The following RARB variants were observed in gnomAD, a reference collection of about 807,000 sequenced individuals.
RARB encodes retinoic acid receptor beta.
RARB carries 17 observed loss-of-function variants against 51.9 expected under a neutral mutation model. The ratio of observed to expected loss-of-function variants is 0.33; its 90% CI spans 0.22 to 0.49. The LOEUF (loss-of-function observed/expected upper bound fraction) is 0.49, where lower values mean the gene tolerates loss of function less well. Ranked by LOEUF, RARB falls within the 20% of genes least tolerant of loss-of-function variation. The pLI is 0.99. For synonymous variants in RARB, 215 were observed against 195.4 expected (o/e 1.10, Z -0.84); for missense variants, 369 against 550.8 (o/e 0.67, Z 3.30).
At chr3:25,187,641 G>T (rs1701008595) in intron 5 of RARB, among the ~76,000 whole-genome samples, 1 of 151,886 alleles carries the variant, frequency 6.6e-6, no homozygotes, top group African/African-American at 2.4e-5. Flanking sequence ...ATTTTAAAAA[G>T]AAATGCAAAT....
intron 2 of RARB, among the ~76,000 whole-genome samples, chr3:24,866,516 T>A (rs1176431983): frequency 6.6e-6 from 1 of 152,036 alleles, no homozygotes; most frequent in Non-Finnish European, 1.5e-5. Flanking sequence ...CACAGCATGG[T>A]TTAAGAAATA....
intron 5 of RARB, among the ~76,000 whole-genome samples, chr3:25,337,213 C>T (rs1348132841): frequency 6.6e-6 from 1 of 152,000 alleles, no homozygotes; most frequent in African/African-American, 2.4e-5. Flanking sequence ...CTTACCAACC[C>T]CCACCCCCAC....
chr3:24,961,428 G>A (rs1285063256), intron 2 of RARB, among the ~76,000 whole-genome samples: 1 of 152,194 alleles, frequency 6.6e-6, no homozygotes, highest in Non-Finnish European at 1.5e-5. Context: ...ATGAACTGAT[G>A]CTGAAATTGA....
At chr3:25,401,483 T>C (rs561757034) in intron 5 of RARB, among the ~76,000 whole-genome samples, 1 of 152,296 alleles carries the variant, frequency 6.6e-6, no homozygotes, top group East Asian at 1.9e-4. Context: ...CCATAGGTGA[T>C]CCAGATATTA....
intron 5 of RARB, among the ~76,000 whole-genome samples, chr3:25,245,619 T>G (rs572138265): frequency 6.6e-6 from 1 of 152,326 alleles, no homozygotes; most frequent in Admixed American, 6.5e-5. Flanking sequence ...TTAAGAATGT[T>G]GAATATTGGC....
At chr3:25,066,123 C>T (rs1433945124) in intron 3 of RARB, among the ~76,000 whole-genome samples, 4 of 152,034 alleles carry the variant, frequency 2.6e-5, no homozygotes, top group Non-Finnish European at 4.4e-5. Context: ...AAGCTGCTGC[C>T]CTTTCATTTT....
intron 2 of RARB, among the ~76,000 whole-genome samples, chr3:25,004,236 T>C (rs1455398424): frequency 6.6e-6 from 1 of 152,152 alleles, no homozygotes; most frequent in Non-Finnish European, 1.5e-5. Flanking sequence ...TTCAACCTGA[T>C]AGCATGAAAC....
intron 5 of RARB, among the ~76,000 whole-genome samples, chr3:25,592,921 G>A (rs1701667172): frequency 6.6e-6 from 1 of 152,174 alleles, no homozygotes; most frequent in South Asian, 2.1e-4. Context: ...GGCATCATGG[G>A]AGAGAGAGCC....
At position 25,199,408 on chromosome 3, in the gene RARB, A is replaced by C. The variant is rs371953487; in HGVS notation, c.178+24833A>C. ...TTTGACAGCAAAACAGAGCGATTAC[A>C]GTCAACAATAATTGTACATTTAAAA... On this transcript the variant is annotated intron_variant, in intron 5 of 11. Coordinates refer to the RARB transcript ENST00000383772. Among the ~76,000 whole-genome samples the C allele has an allele frequency of 5.9e-5, 9 of 152,266 alleles. No homozygotes were observed. In the East Asian group the frequency reaches 1.3e-3, roughly 23 times the overall value.
rs1704587228 is a variant in RARB at position 25,322,107 on chromosome 3, T to A, written c.179-139086T>A. ...TAAGTTACTGGAGTAGCAAGATGAA[T>A]AGCGCAGCATTGGGTCTGGAGGTAT... On this transcript the variant is annotated intron_variant, in intron 5 of 11. Coordinates refer to the RARB transcript ENST00000383772. Among the ~76,000 whole-genome samples the A allele has an allele frequency of 4.0e-5, 6 of 151,190 alleles. No individual in the cohort carries two copies. In the South Asian group the frequency reaches 1.2e-3, roughly 31 times the overall value.
chr3:25,229,427 G>A (rs551302758), intron 5 of RARB, among the ~76,000 whole-genome samples: 19 of 152,050 alleles, frequency 1.2e-4, no homozygotes, highest in Admixed American at 5.9e-4. Flanking sequence ...TCAAATTGAC[G>A]GTAGGCAGTA....
At chr3:25,320,004 T>C (rs1704524225) in intron 5 of RARB, among the ~76,000 whole-genome samples, 1 of 150,466 alleles carries the variant, frequency 6.6e-6, no homozygotes, top group East Asian at 2.0e-4. Context: ...TTCTCTGTAA[T>C]GAACTAAAAA....
intron 5 of RARB, among the ~76,000 whole-genome samples, chr3:25,388,799 G>T (rs1706866959): frequency 6.6e-6 from 1 of 152,106 alleles, no homozygotes; most frequent in African/African-American, 2.4e-5. Flanking sequence ...AGTGTGTGGG[G>T]TAGGTAGGAA....
chr3:24,948,111 C>A (rs957776104), intron 2 of RARB, among the ~76,000 whole-genome samples: 1 of 152,058 alleles, frequency 6.6e-6, no homozygotes, highest in African/African-American at 2.4e-5. Context: ...GGCCAGGGGG[C>A]CTGGGGAATT....
chr3:24,903,997 G>A (rs1225472549), intron 2 of RARB, among the ~76,000 whole-genome samples: 1 of 152,138 alleles, frequency 6.6e-6, no homozygotes, highest in East Asian at 1.9e-4. Context: ...TATAAAGATG[G>A]CCTTGGTTTC....
intron 5 of RARB, among the ~76,000 whole-genome samples, chr3:25,229,917 C>T (rs896509976): frequency 1.3e-5 from 2 of 152,066 alleles, no homozygotes; most frequent in African/African-American, 4.8e-5. Context: ...TAGGTACACG[C>T]TGTAATGAAG....
chr3:25,250,103 C>T lies in RARB; in HGVS notation c.178+75528C>T, dbSNP rs543543622. ...ACACTGGTGCTGGTGGTGGCTGTGA[C>T]AGGATGAACAGATCAGTACTCAGGC... On this transcript the variant is annotated intron_variant, in intron 5 of 11. Transcript: ENST00000383772. Among the ~76,000 whole-genome samples, 4 of 152,242 alleles carry T rather than the reference C, an allele frequency of 2.6e-5. No individual in the cohort carries two copies. In the East Asian group the frequency reaches 5.8e-4, roughly 22 times the overall value.
At chr3:24,906,078 T>G (rs967078472) in intron 2 of RARB, among the ~76,000 whole-genome samples, 1 of 152,148 alleles carries the variant, frequency 6.6e-6, no homozygotes, top group Non-Finnish European at 1.5e-5. Flanking sequence ...AACAAAAAAT[T>G]AGAACAAAGG....
chr3:25,468,658 C>A (rs1284198646), intron 2 of RARB, among the ~76,000 whole-genome samples: 4 of 152,034 alleles, frequency 2.6e-5, no homozygotes, highest in South Asian at 2.1e-4. Context: ...AAATTTAAAA[C>A]TAACAGATAG....
Sources: allele counts gnomAD v4.1 joint callset (sites outside exome capture counted in the v4.1 genomes callset), GRCh38; gene constraint gnomAD v4.1.1; transcripts MANE v1.5; gene names NCBI Gene and HGNC (gene_info 2026-07-23, HGNC 2026-07-21).